WASF3: variants seen among roughly 807,000 people sequenced by gnomAD.
The protein encoded by WASF3 is WASP family member 3, also known as actin-binding protein WASF3.
In WASF3, 11 loss-of-function variants were observed where a neutral mutation model predicts 46.6. The observed-to-expected ratio is 0.24, with a 90% CI of 0.15 to 0.39. The LOEUF is 0.39. Ranked by LOEUF, WASF3 falls within the 10% of genes least tolerant of loss-of-function variation. WASF3 has a pLI of 1.00. For missense variants in WASF3, 576 were observed against 669.8 expected (o/e 0.86, Z 1.55); for synonymous variants, 242 against 259.7 (o/e 0.93, Z 0.65).
At chr13:26,588,229 C>G (rs1412617574) in intron 1 of WASF3, among the ~76,000 whole-genome samples, 1 of 152,130 alleles carries the variant, frequency 6.6e-6, no homozygotes, top group Admixed American at 6.5e-5. Flanking sequence ...AAAAATAACC[C>G]TAGAGTGTAA....
upstream of WASF3, among the ~76,000 whole-genome samples, chr13:26,556,059 G>A (rs181414106): frequency 1.3e-5 from 2 of 152,288 alleles, no homozygotes; most frequent in Admixed American, 6.5e-5. Context: ...TATAAAAGGA[G>A]GAAAGAGGAC....
At chr13:26,561,949 A>G (rs980539328) in intron 1 of WASF3, among the ~76,000 whole-genome samples, 5 of 152,238 alleles carry the variant, frequency 3.3e-5, no homozygotes, top group Non-Finnish European at 7.3e-5. Context: ...TTATCTAAGA[A>G]TGAAATAAAA....
Position 26,667,647 on chromosome 13 carries a change from T to G in WASF3, c.399T>G (p.Pro133=), listed in dbSNP as rs767121352. The G allele has an allele frequency of 6.2e-7, 1 of 1,614,048 alleles. No homozygotes were observed. Residue 133 remains proline, a synonymous_variant, in exon 5 of 10, where the codon CCT becomes CCG. Coordinates refer to ENST00000335327, the MANE Select transcript of WASF3 (RefSeq NM_006646.6). The part of the protein sequence containing the change: ...DIYNQSDKPP[P]LNILTPYRDD... The stretch of plus-strand genomic sequence containing the variant: ...ACAACCAGAGTGATAAGCCACCGCC[T>G]CTGAACATCCTGACACCATACAGGT...
At chr13:26,657,574 G>T (rs1166388128) in intron 3 of WASF3, among the ~76,000 whole-genome samples, 2 of 152,168 alleles carry the variant, frequency 1.3e-5, no homozygotes, top group Admixed American at 6.5e-5. Context: ...TCAAAAGCCT[G>T]ATTTTTCTTT....
At position 26,560,933 on chromosome 13, in the gene WASF3, A is replaced by G. The variant is rs141574850; in HGVS notation, c.-109+3114A>G. Among the ~76,000 whole-genome samples the G allele has an allele frequency of 5.1e-3, 772 of 152,294 alleles. 28 individuals carry two copies. The highest frequency in any genetic ancestry group is 0.048 in the Admixed American group (742 of 15,302). ...AACCCAAGCTTAGGGACGTTCAGAG[A>G]GACAGGAAAGCCTCCCAGAGGAAGC... is the stretch of plus-strand genomic sequence containing the variant. On this transcript the variant is annotated intron_variant, in intron 1 of 9. Transcript: ENST00000335327.
At chr13:26,558,629 G>C (rs955507215) in intron 1 of WASF3, among the ~76,000 whole-genome samples, 1 of 152,226 alleles carries the variant, frequency 6.6e-6, no homozygotes, top group Admixed American at 6.5e-5. Context: ...GAGTTCCCTG[G>C]TGGAGACGAG....
intron 1 of WASF3, chr13:26,576,948 G>C (rs1879815796): frequency 6.7e-6 from 5 of 751,658 alleles, no homozygotes; most frequent in Non-Finnish European, 1.2e-5. Context: ...AGAAGAAAGT[G>C]GTTGATCCAT....
chr13:26,680,076 A>G, intron 7 of WASF3: 1 of 1,597,964 alleles, frequency 6.3e-7, no homozygotes, highest in Non-Finnish European at 8.5e-7. Flanking sequence ...ACCAGCAAGT[A>G]AATGTGAGAA....
At chr13:26,656,576 A>G (rs996410376) in intron 3 of WASF3, among the ~76,000 whole-genome samples, 3 of 152,168 alleles carry the variant, frequency 2.0e-5, no homozygotes, top group African/African-American at 7.2e-5. Flanking sequence ...ACCAAGAAAC[A>G]TGACTTCCTG....
chr13:26,577,612 G>A, intron 1 of WASF3: 5 of 1,162,858 alleles, frequency 4.3e-6, no homozygotes, highest in Non-Finnish European at 6.4e-6. Flanking sequence ...AAGCCACTGG[G>A]AGCAAGACAG....
At chr13:26,569,779 T>C (rs1320499570) in intron 1 of WASF3, among the ~76,000 whole-genome samples, 2 of 152,136 alleles carry the variant, frequency 1.3e-5, no homozygotes, top group African/African-American at 4.8e-5. Context: ...ATTGAAAAGA[T>C]TGATGATATC....
At position 26,679,953 on chromosome 13, in the gene WASF3, C is replaced by G. The variant is rs764820351; in HGVS notation, c.717-1101C>G. On this transcript the variant is annotated intron_variant, in intron 7 of 9. Transcript: ENST00000335327. The surrounding 1 kb of genome is among the most constrained non-coding windows in gnomAD (Gnocchi z 4.8). ...TGCCCCAGTTAAGAAAAGCTACCAA[C>G]TGGAATCCCAAAGATGGAAATGCAG... 1 of 1,508,562 alleles carries G rather than the reference C, an allele frequency of 6.6e-7. No homozygotes were observed. Among genetic ancestry groups the G allele is most frequent in the Non-Finnish European group, 8.9e-7 (1 of 1,127,798 alleles). 93.4% of individuals were successfully genotyped at this position (1,508,562 alleles called of 1,614,324 possible). A position where few individuals can be genotyped will look rare whatever the true frequency, so the allele number is the denominator to read the frequency against.
At chr13:26,659,613 G>A (rs1311892447) in intron 3 of WASF3, among the ~76,000 whole-genome samples, 2 of 152,148 alleles carry the variant, frequency 1.3e-5, no homozygotes, top group Non-Finnish European at 2.9e-5. Context: ...TCCCTTGGCG[G>A]TTAGGGAGGT....
intron 1 of WASF3, among the ~76,000 whole-genome samples, chr13:26,570,854 G>A (rs1304399628): frequency 6.6e-6 from 1 of 152,208 alleles, no homozygotes; most frequent in Non-Finnish European, 1.5e-5. Context: ...AAATGTATAT[G>A]TAATCTTGTT....
intron 3 of WASF3, among the ~76,000 whole-genome samples, chr13:26,646,279 A>G (rs1483228943): frequency 6.6e-6 from 1 of 152,198 alleles, no homozygotes; most frequent in Non-Finnish European, 1.5e-5. Flanking sequence ...GAAGAATAAG[A>G]GAATGTAAAG....
intron 3 of WASF3, among the ~76,000 whole-genome samples, chr13:26,662,867 T>TCATACACATACA (rs59001910): frequency 4.6e-4 from 69 of 151,376 alleles, no homozygotes; most frequent in African/African-American, 1.6e-3. Flanking sequence ...GCCCTCTGTG[T>TCATACACATACA]CATACACATA....
intron 5 of WASF3, 45 bp downstream of exon 5, chr13:26,667,715 G>A: frequency 6.4e-7 from 1 of 1,557,666 alleles, no homozygotes; most frequent in Non-Finnish European, 8.7e-7. Flanking sequence ...GATGAGGGGA[G>A]AGCTGGGCAG....
chr13:26,642,243 T>C lies in WASF3; in HGVS notation c.-10-18T>C, dbSNP rs369693174. ...AATGTGAATATGAGCTTATAAAGAATGTGTTTTCAATTTTCAGATTGTGAA... is the reference window on the plus strand; with the variant it reads ...AATGTGAATATGAGCTTATAAAGAACGTGTTTTCAATTTTCAGATTGTGAA... On this transcript the variant is annotated intron_variant, in intron 2 of 9. Transcript: ENST00000335327. 3.0e-5 allele frequency: 46 copies of C among 1,512,928 alleles called. No homozygotes were observed. The highest frequency in any genetic ancestry group is 2.5e-4 in the Admixed American group (10 of 40,300). 93.7% of individuals were successfully genotyped at this position (1,512,928 alleles called of 1,614,324 possible). A position where few individuals can be genotyped will look rare whatever the true frequency, so the allele number is the denominator to read the frequency against.
the WASF3 span, among the ~76,000 whole-genome samples, chr13:26,551,538 C>G: frequency 6.6e-6 from 1 of 152,164 alleles, no homozygotes; most frequent in Non-Finnish European, 1.5e-5. Context: ...TCTCTGGCCT[C>G]AAATAATTCC....
Sources: allele counts gnomAD v4.1 joint callset (sites outside exome capture counted in the v4.1 genomes callset), GRCh38; gene constraint gnomAD v4.1.1; non-coding constraint Gnocchi (gnomAD v3.1); transcripts MANE v1.5; gene names NCBI Gene and HGNC (gene_info 2026-07-23, HGNC 2026-07-21).